Variants in FSTL5 observed in about 807,000 individuals in gnomAD.
FSTL5 encodes the protein follistatin-related protein 5.
In FSTL5, 62 loss-of-function variants were observed where a neutral mutation model predicts 89.1. The observed-to-expected ratio is 0.70, with a 90% confidence interval of 0.57 to 0.86. The LOEUF is 0.86. Ranked by LOEUF, FSTL5 falls within the 40% of genes least tolerant of loss-of-function variation. The probability of loss-of-function intolerance (pLI) is 0.00; values close to 1 mark genes in which losing one functional copy is unlikely to be tolerated. For missense variants in FSTL5, 1,057 were observed against 1,001.6 expected (o/e 1.06, Z -0.75); for synonymous variants, 383 against 346.2 (o/e 1.11, Z -1.18).
chr4:161,797,721 T>C (rs1172600746), intron 4 of FSTL5, among the ~76,000 whole-genome samples: 3 of 151,658 alleles, frequency 2.0e-5, no homozygotes, highest in Non-Finnish European at 4.4e-5. Flanking sequence ...CTAGTAAGAA[T>C]GAGACATCAT....
intron 15 of FSTL5, among the ~76,000 whole-genome samples, chr4:161,444,185 T>C (rs1340033961): frequency 6.6e-6 from 1 of 151,792 alleles, no homozygotes; most frequent in Non-Finnish European, 1.5e-5. Flanking sequence ...GTAAATTGTG[T>C]TTAGAAGTTG....
At chr4:161,776,831 A>G (rs1741428909) in intron 4 of FSTL5, among the ~76,000 whole-genome samples, 1 of 152,002 alleles carries the variant, frequency 6.6e-6, no homozygotes, top group South Asian at 2.1e-4. Flanking sequence ...GGTAATTGGG[A>G]TATGGATCAC....
chr4:161,746,332 C>A (rs1399996950), intron 6 of FSTL5, among the ~76,000 whole-genome samples: 1 of 151,902 alleles, frequency 6.6e-6, no homozygotes, highest in African/African-American at 2.4e-5. Flanking sequence ...GGATCTTTTC[C>A]CCTAATATTC....
intron 6 of FSTL5, among the ~76,000 whole-genome samples, chr4:161,727,716 A>G (rs1195983860): frequency 2.0e-5 from 3 of 152,120 alleles, no homozygotes; most frequent in African/African-American, 7.2e-5. Flanking sequence ...CACCCCTACC[A>G]TTGCCCACTT....
intron 6 of FSTL5, among the ~76,000 whole-genome samples, chr4:161,721,470 T>C (rs550096921): frequency 1.3e-5 from 2 of 152,210 alleles, no homozygotes; most frequent in East Asian, 1.9e-4. Flanking sequence ...CACACGTATA[T>C]ACTTATCTCC....
chr4:162,145,700 C>T (rs923006799), intron 1 of FSTL5, among the ~76,000 whole-genome samples: 4 of 152,130 alleles, frequency 2.6e-5, no homozygotes, highest in Admixed American at 6.5e-5. Flanking sequence ...AAACAAGTCA[C>T]ATGGCCATAC....
At chr4:161,886,317 T>C (rs1732805326) in intron 4 of FSTL5, among the ~76,000 whole-genome samples, 1 of 152,190 alleles carries the variant, frequency 6.6e-6, no homozygotes, top group South Asian at 2.1e-4. Flanking sequence ...GAAAAGCTGC[T>C]AGTAGACAGA....
intron 4 of FSTL5, among the ~76,000 whole-genome samples, chr4:161,873,060 T>C (rs1732326474): frequency 6.6e-6 from 1 of 152,150 alleles, no homozygotes; most frequent in Non-Finnish European, 1.5e-5. Context: ...AAATGTGTGC[T>C]TCACCAGAGT....
chr4:161,572,702 G>C (rs1479794774), intron 8 of FSTL5, among the ~76,000 whole-genome samples: 1 of 152,044 alleles, frequency 6.6e-6, no homozygotes, highest in Non-Finnish European at 1.5e-5. Context: ...GCACAGACTG[G>C]AGCAAGAACA....
intron 4 of FSTL5, among the ~76,000 whole-genome samples, chr4:161,880,579 C>T (rs1189610035): frequency 2.6e-5 from 4 of 152,110 alleles, no homozygotes; most frequent in African/African-American, 9.7e-5. Context: ...TGTATGTCCA[C>T]ACAAAACCAT....
intron 6 of FSTL5, among the ~76,000 whole-genome samples, chr4:161,723,342 T>TA (rs1249323551): frequency 1.3e-5 from 2 of 152,124 alleles, no homozygotes; most frequent in Non-Finnish European, 1.5e-5. Context: ...TACCCTTGGT[T>TA]AAAAAAATTA....
intron 15 of FSTL5, among the ~76,000 whole-genome samples, chr4:161,408,006 A>G (rs1292467487): frequency 6.6e-6 from 1 of 152,166 alleles, no homozygotes; most frequent in Non-Finnish European, 1.5e-5. Context: ...TGACACTTGA[A>G]TGGAAGAAGA....
At chr4:161,931,384 T>A (rs188858750) in intron 3 of FSTL5, among the ~76,000 whole-genome samples, 1 of 151,822 alleles carries the variant, frequency 6.6e-6, no homozygotes, top group East Asian at 1.9e-4. Context: ...TATGGAGCAA[T>A]ATAGTATAAG....
At chr4:161,659,479 G>A (rs1006112835) in intron 6 of FSTL5, among the ~76,000 whole-genome samples, 3 of 152,028 alleles carry the variant, frequency 2.0e-5, no homozygotes, top group African/African-American at 4.8e-5. Context: ...GCACAGATTA[G>A]CACAGATTTA....
chr4:161,684,820 A>C (rs1737658585), intron 6 of FSTL5, among the ~76,000 whole-genome samples: 1 of 152,008 alleles, frequency 6.6e-6, no homozygotes, highest in East Asian at 1.9e-4. Flanking sequence ...TGGTCATGAA[A>C]TCCTTGCCTA....
chr4:161,831,137 T>G (rs1397135880), intron 4 of FSTL5, among the ~76,000 whole-genome samples: 1 of 151,910 alleles, frequency 6.6e-6, no homozygotes, highest in Non-Finnish European at 1.5e-5. Context: ...GGTAACTATG[T>G]GAAACGATGG....
chr4:161,412,036 A>G (rs1321026038), intron 15 of FSTL5, among the ~76,000 whole-genome samples: 4 of 152,146 alleles, frequency 2.6e-5, no homozygotes, highest in Non-Finnish European at 4.4e-5. Context: ...TAGCATTTCC[A>G]TACACTAACA....
chr4:162,016,399 G>C (rs1736916433), intron 3 of FSTL5, among the ~76,000 whole-genome samples: 1 of 152,180 alleles, frequency 6.6e-6, no homozygotes, highest in South Asian at 2.1e-4. Flanking sequence ...AAGGTTGTAA[G>C]AGAATCACAT....
At chr4:161,471,197 C>T (rs56999097) in intron 13 of FSTL5, among the ~76,000 whole-genome samples, 104 of 152,270 alleles carry the variant, frequency 6.8e-4, no homozygotes, top group African/African-American at 2.4e-3. Context: ...GAATTTTTTC[C>T]CACATGGGTT....
Sources: gnomAD v4.1 joint callset for allele counts (sites outside exome capture counted in the v4.1 genomes callset) on GRCh38, gnomAD v4.1.1 for gene constraint, MANE v1.5 for transcripts, NCBI Gene and HGNC (gene_info 2026-07-23, HGNC 2026-07-21) for gene names.